Variants in DPP9 observed in about 807,000 individuals in gnomAD.
DPP9 encodes the protein dipeptidyl peptidase IV-related protein-2.
DPP9 carries 50 observed loss-of-function variants against 110.7 expected under a neutral mutation model. That is an observed-to-expected ratio of 0.45 (90% confidence interval 0.36 to 0.57). The LOEUF (loss-of-function observed/expected upper bound fraction) is 0.57. Among genes scored for constraint, DPP9 ranks in the 20% least tolerant of loss-of-function variants. DPP9 has a pLI of 0.00. For synonymous variants in DPP9, 561 were observed against 514.4 expected, an observed-to-expected ratio of 1.09 and a Z score of -1.23; for missense variants, 1,022 against 1,217.9, an observed-to-expected ratio of 0.84 and a Z score of 2.39.
At position 4,676,712 on chromosome 19, in the gene DPP9, T is replaced by C. The variant is rs539414706; in HGVS notation, c.2587-56A>G. 4 of 1,433,216 alleles carry C rather than the reference T, an allele frequency of 2.8e-6. No homozygotes were observed. The highest frequency in any genetic ancestry group is 2.8e-5 in the African/African-American group (2 of 70,714). The allele number at this position is 1,433,216 out of a possible 1,614,324, so 88.8% of individuals were successfully genotyped here. On this transcript the variant is annotated intron_variant, in intron 21 of 21. Coordinates refer to ENST00000262960, the MANE Select transcript of DPP9 (RefSeq NM_139159.5). The surrounding 1 kb of genome is among the most constrained non-coding windows in gnomAD (Gnocchi z 4.0). ...GCGTGGCCGGACCACCCCCGTGTCCTAGGCTCCTCCCTTATTCTGGCTCAG... is the reference window on the plus strand; with the variant it reads ...GCGTGGCCGGACCACCCCCGTGTCCCAGGCTCCTCCCTTATTCTGGCTCAG...
In DPP9 at chr19:4,683,475, A is replaced by G. The variant is rs2090226873; in HGVS notation, c.2331+2T>C. Reference sequence around the variant, plus strand: ...CTGAGGCCGGCCAGGGGTGGGACCCACCTTGAACACCTGGGGCTTGTGGAT... The same window carrying G: ...CTGAGGCCGGCCAGGGGTGGGACCCGCCTTGAACACCTGGGGCTTGTGGAT... On this transcript the variant is annotated splice_donor_variant, in intron 19 of 21. Coordinates refer to ENST00000262960, the MANE Select transcript of DPP9 (RefSeq NM_139159.5). LOFTEE classifies it high-confidence loss of function. 6.2e-7 allele frequency: 1 copy of G among 1,612,750 alleles called. No individual in the cohort carries two copies. Among genetic ancestry groups the G allele is most frequent in the African/African-American group, 1.3e-5 (1 of 74,922 alleles).
Position 4,684,238 on chromosome 19 carries a change from G to C in DPP9, c.2178+425C>G, listed in dbSNP as rs565963133. On this transcript the variant is annotated intron_variant, in intron 18 of 21. Transcript: ENST00000262960. The surrounding 1 kb of genome is among the most constrained non-coding windows in gnomAD (Gnocchi z 4.8). ...GTAGGAAGCAGCACAGGGCCTCTCTGGAGGGTTGCTGACCAGGCAACCTCG... is the reference window on the plus strand; with the variant it reads ...GTAGGAAGCAGCACAGGGCCTCTCTCGAGGGTTGCTGACCAGGCAACCTCG... The C allele has an allele frequency of 4.4e-5, 12 of 269,738 alleles. No homozygotes were observed. In the East Asian group the frequency reaches 1.2e-3, roughly 26 times the overall value. 16.7% of individuals were successfully genotyped at this position (269,738 alleles called of 1,614,324 possible). A position where few individuals can be genotyped will look rare whatever the true frequency, so the allele number is the denominator to read the frequency against.
chr19:4,703,525 A>T (rs1187218682), intron 7 of DPP9, among the ~76,000 whole-genome samples: 2 of 151,428 alleles, frequency 1.3e-5, no homozygotes, highest in African/African-American at 4.9e-5. Context: ...AATCCCAGCT[A>T]CTCGGGAGGC....
rs774064073 is a variant in DPP9, at chr19:4,719,991, G to A, written c.-35-50C>T. ...CAAAGGGCTGCAACCCCAGCAGGTG[G>A]GGAGTGGGCGCTCCTGCCCCCTTCG... On this transcript the variant is annotated intron_variant, in intron 2 of 21. Transcript: ENST00000262960. 3.4e-5 allele frequency: 50 copies of A among 1,476,466 alleles called. No individual in the cohort carries two copies. The South Asian group carries it at 5.3e-4, about 16-fold the overall frequency. The allele number at this position is 1,476,466 out of a possible 1,614,324, so 91.5% of individuals were successfully genotyped here.
Position 4,700,750 on chromosome 19 carries a change from A to G in DPP9, c.1013-473T>C, listed in dbSNP as rs537570544. ...CCAGACCTGCGCCCTCCGGAGGCCA[A>G]TGGCGACAGAATAAGGGACCCAAGA... On this transcript the variant is annotated intron_variant, in intron 9 of 21. Transcript: ENST00000262960. The surrounding 1 kb of genome is among the most constrained non-coding windows in gnomAD (Gnocchi z 4.3). 2.6e-5 allele frequency among the ~76,000 whole-genome samples: 4 copies of G among 152,324 alleles called. No homozygotes were observed. Among genetic ancestry groups the G allele is most frequent in the African/African-American group, 7.2e-5 (3 of 41,572 alleles).
intron 4 of DPP9, among the ~76,000 whole-genome samples, chr19:4,708,676 A>G (rs1047944282): frequency 6.6e-6 from 1 of 152,220 alleles, no homozygotes; most frequent in African/African-American, 2.4e-5. Context: ...TTAGAAAAGT[A>G]ATGCAGGAAC....
chr19:4,703,296 CAG>C lies in DPP9; in HGVS notation c.770-582_770-581del, dbSNP rs1405179340. On this transcript the variant is annotated intron_variant, in intron 7 of 21. Transcript: ENST00000262960. ...GCCCAGGGGCACCTGGAAGAGGGTCCAGAGCACCGTGGCTGGGCTGACGCCTG... is the reference window on the plus strand; with the variant it reads ...GCCCAGGGGCACCTGGAAGAGGGTCCAGCACCGTGGCTGGGCTGACGCCTG... 2.0e-5 allele frequency among the ~76,000 whole-genome samples: 3 copies of C among 152,014 alleles called. No homozygotes were observed. The East Asian group carries it at 5.8e-4, about 29-fold the overall frequency.
chr19:4,680,657 A>T (rs77653348), intron 20 of DPP9, among the ~76,000 whole-genome samples: 1,824 of 54,642 alleles, frequency 0.033, 37 homozygotes, highest in African/African-American at 0.25. Context: ...AGCTATGATT[A>T]AAAAAAAAAA....
chr19:4,686,524 T>C (rs1421916617), intron 16 of DPP9, among the ~76,000 whole-genome samples: 1 of 152,084 alleles, frequency 6.6e-6, no homozygotes, highest in Admixed American at 6.6e-5. Flanking sequence ...TTCACCATAT[T>C]GGCCAGGCTG....
chr19:4,697,098 C>CAA (rs991000616), intron 11 of DPP9, among the ~76,000 whole-genome samples: 4 of 138,004 alleles, frequency 2.9e-5, no homozygotes, highest in African/African-American at 8.0e-5. Context: ...GACTCCATCT[C>CAA]AAAAAAAAAA....
rs1256711214 is a variant in DPP9, at chr19:4,700,217, T to C, written c.1073A>G (p.Lys358Arg). Residue 358 changes from lysine (K) to arginine (R), a missense_variant and splice_region_variant, in exon 10 of 22, where the codon AAG becomes AGG. Lys to Arg is a conservative substitution (Grantham distance 26). Transcript: ENST00000262960. This position sits in a 1 kb window ranked among gnomAD's most constrained non-coding sequence, Gnocchi z 4.3. Reference sequence around the variant, plus strand: ...CTGGTATGCAGCAGGCCCCCTTACCTTGCCCTGGCTGTCAGTCTGGAACTC... The same window carrying C: ...CTGGTATGCAGCAGGCCCCCTTACCCTGCCCTGGCTGTCAGTCTGGAACTC... Reference protein sequence around the residue: ...LAEFQTDSQGKIVSTQEKELV... With the variant: ...LAEFQTDSQGRIVSTQEKELV... The C allele has an allele frequency of 6.3e-7, 1 of 1,580,850 alleles. No individual in the cohort carries two copies. The highest frequency in any genetic ancestry group is 8.6e-7 in the Non-Finnish European group (1 of 1,158,036).
chr19:4,713,903 G>A (rs749366510), intron 4 of DPP9, among the ~76,000 whole-genome samples, 178 bp downstream of exon 4: 62 of 151,922 alleles, frequency 4.1e-4, no homozygotes, highest in Admixed American at 8.5e-4. Context: ...CCCACCCCGC[G>A]GCAGCCCTTC....
At chr19:4,720,476 C>T (rs2093271333) in intron 2 of DPP9, among the ~76,000 whole-genome samples, 1 of 152,236 alleles carries the variant, frequency 6.6e-6, no homozygotes, top group Admixed American at 6.5e-5. Context: ...GATACCACCT[C>T]TTCAGAGGTC....
rs188915085 is a variant in DPP9 at position 4,706,788 on chromosome 19, C to T, written c.314-818G>A. ...CCGAGATTGCGCCACTGTAGTCCAG[C>T]CTGGGTAACAGAGCAAGATTTTGTC... On this transcript the variant is annotated intron_variant, in intron 4 of 21. Transcript: ENST00000262960. 2.8e-3 allele frequency among the ~76,000 whole-genome samples: 422 copies of T among 152,346 alleles called. 1 individual carries two copies. The highest frequency in any genetic ancestry group is 5.2e-3 in the South Asian group (25 of 4,832).
rs1042794471 is a variant in DPP9, at chr19:4,689,731, G to A, written c.1597-9C>T. 6.5e-7 allele frequency: 1 copy of A among 1,542,942 alleles called. No homozygotes were observed. On this transcript the variant is annotated splice_polypyrimidine_tract_variant and intron_variant, in intron 14 of 21. Transcript: ENST00000262960. This position sits in a 1 kb window ranked among gnomAD's most constrained non-coding sequence, Gnocchi z 7.0. Reference sequence around the variant, plus strand: ...TCCTCATTGACCCAGATCTGCAGGGGGACAGGGGATCCTCGTGATGCGTCC... The same window carrying A: ...TCCTCATTGACCCAGATCTGCAGGGAGACAGGGGATCCTCGTGATGCGTCC...
chr19:4,684,553 G>T lies in DPP9; in HGVS notation c.2178+110C>A. Reference sequence around the variant, plus strand: ...AGCCTGCGTCACCCCAGCCAGAAGTGCCCTTCTGCGGGTGGTATTCCAGAG... The same window carrying T: ...AGCCTGCGTCACCCCAGCCAGAAGTTCCCTTCTGCGGGTGGTATTCCAGAG... On this transcript the variant is annotated intron_variant, in intron 18 of 21. Transcript: ENST00000262960. The surrounding 1 kb of genome is among the most constrained non-coding windows in gnomAD (Gnocchi z 4.8). 1.5e-6 allele frequency: 2 copies of T among 1,294,384 alleles called. No individual in the cohort carries two copies. Among genetic ancestry groups the T allele is most frequent in the Non-Finnish European group, 2.1e-6 (2 of 940,508 alleles). 80.2% of individuals were successfully genotyped at this position (1,294,384 alleles called of 1,614,324 possible).
At chr19:4,699,951 C>G (rs550154878) in intron 10 of DPP9, among the ~76,000 whole-genome samples, 11 of 152,248 alleles carry the variant, frequency 7.2e-5, no homozygotes, top group African/African-American at 2.4e-4. Context: ...GGCCCCTGCC[C>G]GGTGCTTGTT....
In DPP9 at chr19:4,710,791, C is replaced by G. The variant is rs979940694; in HGVS notation, c.313+3290G>C. Reference sequence around the variant, plus strand: ...TGCTGCCCCTGACAGTGTGAAGTGACAGCCTGGAGTCGTTGAAGGGTGAAT... The same window carrying G: ...TGCTGCCCCTGACAGTGTGAAGTGAGAGCCTGGAGTCGTTGAAGGGTGAAT... On this transcript the variant is annotated intron_variant, in intron 4 of 21. Coordinates refer to ENST00000262960, the MANE Select transcript of DPP9 (RefSeq NM_139159.5). This position sits in a 1 kb window ranked among gnomAD's most constrained non-coding sequence, Gnocchi z 5.6. 1.3e-5 allele frequency among the ~76,000 whole-genome samples: 2 copies of G among 152,096 alleles called. No individual in the cohort carries two copies. Among genetic ancestry groups the G allele is most frequent in the African/African-American group, 4.8e-5 (2 of 41,422 alleles).
In DPP9 at chr19:4,681,229, G is replaced by A. The variant is rs188976496; in HGVS notation, c.2475-1283C>T. On this transcript the variant is annotated intron_variant, in intron 20 of 21. Coordinates refer to ENST00000262960, the MANE Select transcript of DPP9 (RefSeq NM_139159.5). ...CTAAGGAATGGGAACAGGGTTTGAC[G>A]CTGGAGTGCTGGAAAGGTTCTGGAA... Among the ~76,000 whole-genome samples, 18 of 152,348 alleles carry A rather than the reference G, an allele frequency of 1.2e-4. No individual in the cohort carries two copies. The East Asian group carries it at 2.7e-3, about 23-fold the overall frequency.
Sources: allele counts gnomAD v4.1 joint callset (sites outside exome capture counted in the v4.1 genomes callset), GRCh38; gene constraint gnomAD v4.1.1; non-coding constraint Gnocchi (gnomAD v3.1); transcripts MANE v1.5; gene names NCBI Gene and HGNC (gene_info 2026-07-23, HGNC 2026-07-21).